TM2D1: variants seen among roughly 807,000 people sequenced by gnomAD.
TM2D1 encodes TM2 domain containing 1, also known as TM2 domain-containing protein 1.
Under a neutral mutation model 28.4 loss-of-function variants are expected in TM2D1, and 15 were observed. The observed-to-expected ratio is 0.53, with a 90% CI of 0.35 to 0.81. The LOEUF is 0.81. Ranked by LOEUF, TM2D1 falls within the 40% of genes least tolerant of loss-of-function variation. The pLI is 0.01. For synonymous variants in TM2D1, 93 were observed against 96.2 expected (o/e 0.97, Z 0.20); for missense variants, 236 against 254.9 (o/e 0.93, Z 0.50).
chr1:61,705,002 C>T (rs949572883), intron 3 of TM2D1, among the ~76,000 whole-genome samples: 3 of 152,142 alleles, frequency 2.0e-5, no homozygotes, highest in African/African-American at 7.2e-5. Flanking sequence ...ACAAAGACTG[C>T]TGGTGAATAT....
At chr1:61,688,311 G>C (rs1644297798) in intron 5 of TM2D1, among the ~76,000 whole-genome samples, 1 of 152,120 alleles carries the variant, frequency 6.6e-6, no homozygotes, top group South Asian at 2.1e-4. Context: ...AAGGTCACAT[G>C]ACAGAGTAAA....
At chr1:61,701,436 G>C (rs12404858) in intron 3 of TM2D1, among the ~76,000 whole-genome samples, 36,049 of 151,754 alleles carry the variant, frequency 0.24, 4,396 homozygotes, top group South Asian at 0.39. Flanking sequence ...CCTGAGGGAA[G>C]TGAGTGAGAT....
chr1:61,697,665 A>T (rs968341561), intron 4 of TM2D1: 3 of 152,176 alleles, frequency 2.0e-5, no homozygotes, highest in African/African-American at 7.2e-5. Flanking sequence ...TCACTATAAT[A>T]AAAAAAGAAC....
At chr1:61,705,334 C>T (rs1359358683) in intron 3 of TM2D1, among the ~76,000 whole-genome samples, 1 of 152,008 alleles carries the variant, frequency 6.6e-6, no homozygotes, top group African/African-American at 2.4e-5. Flanking sequence ...TACAGGCACG[C>T]ACCACCATGC....
chr1:61,690,227 TG>T (rs1340742388), intron 5 of TM2D1, among the ~76,000 whole-genome samples: 1 of 151,294 alleles, frequency 6.6e-6, no homozygotes, highest in East Asian at 1.9e-4. Flanking sequence ...GAGGCCAAGG[TG>T]GGTGGATCAT....
At chr1:61,702,437 C>T (rs922322410) in intron 3 of TM2D1, among the ~76,000 whole-genome samples, 16 of 150,402 alleles carry the variant, frequency 1.1e-4, no homozygotes, top group African/African-American at 2.9e-4. Context: ...GGCGTGATCT[C>T]GGCTCACTGC....
At chr1:61,710,213 G>A (rs1203041311) in intron 2 of TM2D1, among the ~76,000 whole-genome samples, 1 of 151,744 alleles carries the variant, frequency 6.6e-6, no homozygotes, top group African/African-American at 2.4e-5. Flanking sequence ...AGGCTGAGAT[G>A]GGCAGATTCA....
At chr1:61,710,154 C>G (rs1644466656) in intron 2 of TM2D1, among the ~76,000 whole-genome samples, 1 of 151,916 alleles carries the variant, frequency 6.6e-6, no homozygotes, top group Admixed American at 6.6e-5. Flanking sequence ...AAAAATAGTA[C>G]CAAAGGGCCA....
chr1:61,694,677 T>C lies in TM2D1; in HGVS notation c.513+20A>G. 6.4e-7 allele frequency: 1 copy of C among 1,557,638 alleles called. No homozygotes were observed. Among genetic ancestry groups the C allele is most frequent in the African/African-American group, 1.4e-5 (1 of 73,694 alleles). On this transcript the variant is annotated intron_variant, in intron 5 of 6. Transcript: ENST00000606498. ...ATTTTGAATGTAAAAGTAGTTTACA[T>C]TCTAGATTGAGAAACTTACCTGCAT...
intron 2 of TM2D1, among the ~76,000 whole-genome samples, chr1:61,717,980 C>T (rs1644535137): frequency 6.6e-6 from 1 of 152,100 alleles, no homozygotes; most frequent in South Asian, 2.1e-4. Context: ...CACCACTGCA[C>T]TTCAGCCTGG....
chr1:61,722,394 A>T (rs1221400398), intron 2 of TM2D1, among the ~76,000 whole-genome samples: 1 of 152,166 alleles, frequency 6.6e-6, no homozygotes, highest in East Asian at 1.9e-4. Flanking sequence ...CCAGAGACAG[A>T]GTCTTGCTCT....
At chr1:61,694,535 T>TG (rs202153604) in intron 5 of TM2D1, 162 bp downstream of exon 5, 10,775 of 458,886 alleles carry the variant, frequency 0.023, 159 homozygotes, top group Middle Eastern at 0.068. Context: ...AAATGCTAGT[T>TG]GGAAACATGA....
At chr1:61,701,365 G>A (rs550852783) in intron 3 of TM2D1, among the ~76,000 whole-genome samples, 66 of 150,358 alleles carry the variant, frequency 4.4e-4, no homozygotes, top group Admixed American at 1.3e-3. Flanking sequence ...AGAATGCCGG[G>A]AGCCATTTAA....
intron 4 of TM2D1, chr1:61,700,202 A>T: frequency 6.5e-7 from 1 of 1,538,148 alleles, no homozygotes; most frequent in Middle Eastern, 1.7e-4. Flanking sequence ...GATAACAACA[A>T]ATATGTCACA....
At chr1:61,694,508 G>A (rs1644350339) in intron 5 of TM2D1, 189 bp downstream of exon 5, 2 of 432,968 alleles carry the variant, frequency 4.6e-6, no homozygotes, top group Non-Finnish European at 8.3e-6. Context: ...CTACTAACTG[G>A]TAGAGCACAG....
intron 3 of TM2D1, among the ~76,000 whole-genome samples, chr1:61,707,290 T>G (rs916681028): frequency 6.6e-6 from 1 of 152,138 alleles, no homozygotes; most frequent in East Asian, 1.9e-4. Flanking sequence ...ATGAGTATGA[T>G]TAGTGTAGCT....
intron 2 of TM2D1, among the ~76,000 whole-genome samples, chr1:61,713,695 C>T (rs1305192025): frequency 6.6e-6 from 1 of 152,016 alleles, no homozygotes; most frequent in East Asian, 1.9e-4. Flanking sequence ...CTGTCACTTT[C>T]TTGTCATACA....
rs755719917 is a variant in TM2D1, at chr1:61,700,961, G to T, written c.412C>A (p.Arg138=). The change falls in exon 4 of 7, where the codon CGA becomes AGA. Residue 138 remains arginine, a synonymous_variant. Coordinates refer to ENST00000606498, the MANE Select transcript of TM2D1 (RefSeq NM_032027.3). ...AAAGCAGGGTATCCAAGGTAAAATC[G>T]ATCTGCTCCCAACCATCCAAGAAAA... The part of the protein sequence containing the change: ...SLFLGWLGAD[R]FYLGYPALGL... 4.4e-6 allele frequency: 7 copies of T among 1,608,138 alleles called. No homozygotes were observed. The highest frequency in any genetic ancestry group is 5.9e-6 in the Non-Finnish European group (7 of 1,177,448).
intron 2 of TM2D1, among the ~76,000 whole-genome samples, chr1:61,709,894 A>G (rs1484193444): frequency 6.6e-6 from 1 of 152,140 alleles, no homozygotes; most frequent in African/African-American, 2.4e-5. Context: ...GCCATAAATT[A>G]TTTTCATTGA....
Sources: allele counts gnomAD v4.1 joint callset (sites outside exome capture counted in the v4.1 genomes callset), GRCh38; gene constraint gnomAD v4.1.1; transcripts MANE v1.5; gene names NCBI Gene and HGNC (gene_info 2026-07-23, HGNC 2026-07-21).